The following GGT1 variants were observed in gnomAD, a reference collection of about 807,000 sequenced individuals.
The protein encoded by GGT1 is gamma-glutamyltransferase 1.
Under a neutral mutation model 56.0 loss-of-function variants are expected in GGT1, and 21 were observed. The observed-to-expected ratio is 0.38, with a 90% CI of 0.27 to 0.54. The LOEUF is 0.54. Ranked by LOEUF, GGT1 falls within the 20% of genes least tolerant of loss-of-function variation. GGT1 has a pLI of 0.82. For synonymous variants in GGT1, 238 were observed against 342.6 expected (o/e 0.69, Z 3.37); for missense variants, 466 against 787.0 (o/e 0.59, Z 4.88).
At chr22:24,587,707 G>T in the GGT1 span, among the ~76,000 whole-genome samples, 6 of 152,230 alleles carry the variant, frequency 3.9e-5, no homozygotes, top group Admixed American at 2.0e-4. Flanking sequence ...AGCCACGGAA[G>T]CCTCAGTTTT....
chr22:24,618,949 C>T (rs1288229525), intron 7 of GGT1, among the ~76,000 whole-genome samples: 1 of 152,138 alleles, frequency 6.6e-6, no homozygotes, highest in Non-Finnish European at 1.5e-5. Flanking sequence ...CAATGACCTC[C>T]TCAAAAGTCA....
intron 1 of GGT1, among the ~76,000 whole-genome samples, chr22:24,607,416 G>T (rs1252054700): frequency 6.6e-6 from 1 of 152,218 alleles, no homozygotes; most frequent in Non-Finnish European, 1.5e-5. Context: ...ACCAGCCTGG[G>T]GCTCACTGGA....
At chr22:24,606,550 G>GGACA (rs986203101) in intron 1 of GGT1, among the ~76,000 whole-genome samples, 8 of 152,158 alleles carry the variant, frequency 5.3e-5, no homozygotes, top group African/African-American at 1.9e-4. Context: ...TAGCCTTCAG[G>GGACA]GACAGGTCAT....
At chr22:24,597,300 C>T (rs2045710481) in intron 1 of GGT1, among the ~76,000 whole-genome samples, 1 of 152,090 alleles carries the variant, frequency 6.6e-6, no homozygotes, top group Non-Finnish European at 1.5e-5. Flanking sequence ...CATTCTAATC[C>T]CGTATGATCT....
chr22:24,593,146 G>A (rs892170813), upstream of GGT1: 20 of 991,618 alleles, frequency 2.0e-5, no homozygotes, highest in African/African-American at 3.5e-4. Context: ...GCCCTGCCCC[G>A]TCCGGGTCCG....
At chr22:24,586,461 C>G in the GGT1 span, 4 of 1,559,304 alleles carry the variant, frequency 2.6e-6, no homozygotes, top group East Asian at 4.5e-5. Context: ...GGCAGTCCCC[C>G]CACTGACCAC....
At chr22:24,600,560 G>C (rs1194287372), upstream of GGT1, among the ~76,000 whole-genome samples, 2 of 152,218 alleles carry the variant, frequency 1.3e-5, no homozygotes, top group Non-Finnish European at 2.9e-5. Context: ...CATCACAGGT[G>C]GGTGCTGGAA....
upstream of GGT1, chr22:24,599,103 G>A (rs146327413): frequency 5.4e-4 from 82 of 152,200 alleles, no homozygotes; most frequent in African/African-American, 1.9e-3. Context: ...CCTAGAAGAT[G>A]CATTTTAGTA....
At chr22:24,616,176 AG>A (rs1296404123) in intron 7 of GGT1, among the ~76,000 whole-genome samples, 2 of 150,292 alleles carry the variant, frequency 1.3e-5, no homozygotes, top group Non-Finnish European at 3.0e-5. Context: ...GCACTTTGGG[AG>A]GCTGAGGCAG....
rs747819016 is a variant in GGT1, at chr22:24,620,949, G to T, written c.612G>T (p.Glu204Asp). The T allele has an allele frequency of 6.2e-7, 1 of 1,612,016 alleles. No homozygotes were observed. Among genetic ancestry groups the T allele is most frequent in the Admixed American group, 1.7e-5 (1 of 60,016 alleles). Reference protein sequence around the residue: ...VFCRDRKVLREGERLTLPQLA... With the variant: ...VFCRDRKVLRDGERLTLPQLA... ...GCCGGGATAGAAAGGTGCTTCGGGA[G>T]GGGGAGAGACTGACCCTGCCGCAGC... The change falls in exon 9 of 16, where the codon GAG becomes GAT. Residue 204 changes from glutamate (E) to aspartate (D), a missense_variant. Physicochemically the swap from Glu to Asp is conservative, Grantham distance 45 (BLOSUM62 2). Coordinates refer to ENST00000400382, the MANE Select transcript of GGT1 (RefSeq NM_001288833.2). The surrounding 1 kb of genome is among the most constrained non-coding windows in gnomAD (Gnocchi z 5.6).
the GGT1 span, chr22:24,585,735 C>T: frequency 1.1e-6 from 1 of 940,634 alleles, no homozygotes; most frequent in Non-Finnish European, 1.5e-6. Context: ...ACCTGGCCAC[C>T]TATGAGTCCA....
At chr22:24,616,058 G>A (rs536938663) in intron 7 of GGT1, 1 of 151,426 alleles carries the variant, frequency 6.6e-6, no homozygotes, top group African/African-American at 2.4e-5. Context: ...AGGCTGCAGT[G>A]AGCCATGATT....
chr22:24,589,321 G>C, the GGT1 span: 80 of 1,179,794 alleles, frequency 6.8e-5, no homozygotes, highest in African/African-American at 1.3e-3. Context: ...GGAGGGCCTT[G>C]CTTATGACCC....
At chr22:24,591,572 G>T (rs1222963803), upstream of GGT1, among the ~76,000 whole-genome samples, 1 of 152,226 alleles carries the variant, frequency 6.6e-6, no homozygotes, top group Non-Finnish European at 1.5e-5. Context: ...TATGGAGCAG[G>T]ATAGGCCCCG....
At chr22:24,583,834 G>C in the GGT1 span, 3 of 469,810 alleles carry the variant, frequency 6.4e-6, no homozygotes, top group African/African-American at 6.0e-5. Flanking sequence ...TGACAATTGA[G>C]AGTTTGTGGG....
At chr22:24,610,754 C>T (rs1421073422) in intron 4 of GGT1, among the ~76,000 whole-genome samples, 1 of 142,004 alleles carries the variant, frequency 7.0e-6, no homozygotes, top group African/African-American at 2.5e-5. Flanking sequence ...AGGAGGTAGG[C>T]AAGGCCCTGC....
At chr22:24,587,606 C>T in the GGT1 span, among the ~76,000 whole-genome samples, 1 of 152,134 alleles carries the variant, frequency 6.6e-6, no homozygotes, top group Non-Finnish European at 1.5e-5. Context: ...GTGGCCAGCT[C>T]TGGACTGAGC....
rs562772907 is a variant in GGT1, at chr22:24,612,600, C to T, written c.164+1355C>T. Among the ~76,000 whole-genome samples, 19 of 152,060 alleles carry T rather than the reference C, an allele frequency of 1.2e-4. No individual in the cohort carries two copies. In the South Asian group the frequency reaches 1.7e-3, roughly 13 times the overall value. ...GGAGTGCAGTGGCGCAATCTCGGCTCGCTGCAACCTCCGTCTCCTGGATTC... is the reference window on the plus strand; with the variant it reads ...GGAGTGCAGTGGCGCAATCTCGGCTTGCTGCAACCTCCGTCTCCTGGATTC... On this transcript the variant is annotated intron_variant, in intron 5 of 15. Transcript: ENST00000400382.
At chr22:24,612,866 C>G (rs899148873) in intron 5 of GGT1, among the ~76,000 whole-genome samples, 1 of 152,046 alleles carries the variant, frequency 6.6e-6, no homozygotes, top group African/African-American at 2.4e-5. Context: ...TACTCTGTTA[C>G]CCAGGCTGGA....
Sources: allele counts gnomAD v4.1 joint callset (sites outside exome capture counted in the v4.1 genomes callset), GRCh38; gene constraint gnomAD v4.1.1; non-coding constraint Gnocchi (gnomAD v3.1); transcripts MANE v1.5; gene names NCBI Gene and HGNC (gene_info 2026-07-23, HGNC 2026-07-21).